CPED1: variants seen among roughly 807,000 people sequenced by gnomAD.
CPED1 encodes the protein cadherin like and PC-esterase domain containing 1, also known as cadherin-like and PC-esterase domain-containing protein 1.
In CPED1, 114 loss-of-function variants were observed where a neutral mutation model predicts 128.2. The observed-to-expected ratio is 0.89, with a 90% CI of 0.76 to 1.04. CPED1 has a LOEUF of 1.04. Ranked by LOEUF, CPED1 falls within the 50% of genes least tolerant of loss-of-function variation. The pLI is 0.00. For missense variants in CPED1, 1,211 were observed against 1,207.1 expected (o/e 1.00, Z -0.05); for synonymous variants, 462 against 426.7 (o/e 1.08, Z -1.02).
chr7:121,217,497 A>G lies in CPED1; in HGVS notation c.2056-19217A>G, dbSNP rs572962406. 3.2e-4 allele frequency among the ~76,000 whole-genome samples: 49 copies of G among 152,204 alleles called. 1 individual carries two copies. The South Asian group carries it at 8.9e-3, about 28-fold the overall frequency. On this transcript the variant is annotated intron_variant, in intron 16 of 22. Coordinates refer to ENST00000310396, the MANE Select transcript of CPED1 (RefSeq NM_024913.5). ...TGTTTTGTATTTCCTAGTATTTTCT[A>G]TAACCATTTCCTAAAGGCATCTGTT...
At chr7:121,014,080 T>G (rs1325391699) in intron 2 of CPED1, among the ~76,000 whole-genome samples, 1 of 151,992 alleles carries the variant, frequency 6.6e-6, no homozygotes, top group Non-Finnish European at 1.5e-5. Flanking sequence ...CTATTGAGAG[T>G]TGATTTGGAA....
rs762854128 is a variant in CPED1, at chr7:121,130,303, G to C, written c.1577+9G>C. ...CCACATCCACTGGAATGGTAAGATAGCCACAAATTTGAATTGTACAATCCA... is the reference window on the plus strand; with the variant it reads ...CCACATCCACTGGAATGGTAAGATACCCACAAATTTGAATTGTACAATCCA... On this transcript the variant is annotated intron_variant, in intron 12 of 22. Transcript: ENST00000310396. 1.9e-6 allele frequency: 3 copies of C among 1,586,022 alleles called. No homozygotes were observed. In the South Asian group the frequency reaches 3.5e-5, roughly 18 times the overall value.
intron 5 of CPED1, among the ~76,000 whole-genome samples, chr7:121,074,507 G>GTCTTTTTT (rs1585054304): frequency 5.5e-5 from 1 of 18,096 alleles, no homozygotes; most frequent in African/African-American, 1.7e-4. Flanking sequence ...AATTTCCTTT[G>GTCTTTTTT]TGTTTTTTTT....
At chr7:121,075,986 T>C (rs542009601) in intron 5 of CPED1, among the ~76,000 whole-genome samples, 1 of 152,286 alleles carries the variant, frequency 6.6e-6, no homozygotes, top group South Asian at 2.1e-4. Context: ...TGTATTTGTA[T>C]GTGTTTGTCT....
chr7:121,188,905 A>G (rs1195054235), intron 16 of CPED1, among the ~76,000 whole-genome samples: 3 of 152,098 alleles, frequency 2.0e-5, no homozygotes, highest in Non-Finnish European at 4.4e-5. Context: ...TGAGGGAGGT[A>G]ATGCTCCTTG....
At chr7:121,097,668 G>A in intron 5 of CPED1, 31 bp from the exon 6 acceptor site, 4 of 1,610,418 alleles carry the variant, frequency 2.5e-6, no homozygotes. Context: ...ACAATAAAAT[G>A]ACTGTCTTCT....
intron 22 of CPED1, among the ~76,000 whole-genome samples, chr7:121,277,864 G>C (rs1159320197): frequency 2.0e-5 from 3 of 152,074 alleles, no homozygotes; most frequent in African/African-American, 7.2e-5. Context: ...TTTGAACTTA[G>C]AGCATAAACT....
intron 22 of CPED1, among the ~76,000 whole-genome samples, chr7:121,281,771 T>A (rs77877583): frequency 0.024 from 3,699 of 152,256 alleles, 127 homozygotes; most frequent in South Asian, 0.13. Context: ...TACTTGAAAG[T>A]CTTGAAAGTC....
chr7:121,159,230 AT>A (rs1213239126), intron 16 of CPED1, among the ~76,000 whole-genome samples: 18 of 152,320 alleles, frequency 1.2e-4, no homozygotes, highest in African/African-American at 2.4e-5. Flanking sequence ...TGTAAAAAAA[AT>A]GGTATAAATT....
intron 17 of CPED1, among the ~76,000 whole-genome samples, chr7:121,242,125 T>C (rs934097640): frequency 6.6e-6 from 1 of 152,214 alleles, no homozygotes; most frequent in African/African-American, 2.4e-5. Context: ...AAGCCCCAAC[T>C]CTTTACCACA....
intron 16 of CPED1, among the ~76,000 whole-genome samples, chr7:121,184,810 A>G (rs1396255677): frequency 1.3e-5 from 2 of 152,158 alleles, no homozygotes; most frequent in African/African-American, 4.8e-5. Context: ...TGCTCTTTAA[A>G]ACAATTGAGT....
chr7:121,136,639 C>T (rs1377421955), intron 14 of CPED1, among the ~76,000 whole-genome samples: 1 of 152,058 alleles, frequency 6.6e-6, no homozygotes, highest in Non-Finnish European at 1.5e-5. Context: ...GATGGTCTTG[C>T]AAATATATCA....
intron 3 of CPED1, among the ~76,000 whole-genome samples, chr7:121,026,479 A>G (rs2116845354): frequency 6.6e-6 from 1 of 152,224 alleles, no homozygotes; most frequent in South Asian, 2.1e-4. Context: ...TTAATTAGGC[A>G]TTCAATACTT....
intron 18 of CPED1, among the ~76,000 whole-genome samples, chr7:121,260,911 TTC>T (rs1275819641): frequency 1.3e-5 from 2 of 152,124 alleles, no homozygotes; most frequent in Non-Finnish European, 2.9e-5. Flanking sequence ...TTAATTTTTT[TTC>T]TTTTTCTTTT....
chr7:121,034,079 A>G (rs958037143), intron 3 of CPED1, among the ~76,000 whole-genome samples: 1 of 152,192 alleles, frequency 6.6e-6, no homozygotes, highest in African/African-American at 2.4e-5. Flanking sequence ...ATTATACACT[A>G]AAACCGCTTT....
At chr7:121,028,463 A>G (rs979780734) in intron 3 of CPED1, among the ~76,000 whole-genome samples, 1 of 152,184 alleles carries the variant, frequency 6.6e-6, no homozygotes, top group Non-Finnish European at 1.5e-5. Flanking sequence ...CGCTGAACCC[A>G]TTAATTATGA....
chr7:121,175,404 C>T (rs781420806), intron 16 of CPED1, among the ~76,000 whole-genome samples: 39 of 152,044 alleles, frequency 2.6e-4, no homozygotes, highest in Non-Finnish European at 7.4e-5. Context: ...TAAAATTCAA[C>T]TTCCCTTCAT....
At chr7:121,005,895 A>G (rs978480684) in intron 2 of CPED1, among the ~76,000 whole-genome samples, 1 of 152,208 alleles carries the variant, frequency 6.6e-6, no homozygotes, top group Non-Finnish European at 1.5e-5. Context: ...GTCAGTGCTC[A>G]TTTACAGATG....
chr7:121,025,376 A>T (rs934106338), intron 3 of CPED1, among the ~76,000 whole-genome samples: 5 of 152,184 alleles, frequency 3.3e-5, no homozygotes, highest in African/African-American at 1.2e-4. Flanking sequence ...AGTCACTATT[A>T]AACTGCAATA....
Sources: allele counts gnomAD v4.1 joint callset (sites outside exome capture counted in the v4.1 genomes callset), GRCh38; gene constraint gnomAD v4.1.1; transcripts MANE v1.5; gene names NCBI Gene and HGNC (gene_info 2026-07-23, HGNC 2026-07-21).